TSHZ2: variants seen among roughly 807,000 people sequenced by gnomAD.
TSHZ2 encodes teashirt zinc finger homeobox 2, also known as teashirt homolog 2.
Under a neutral mutation model 74.4 loss-of-function variants are expected in TSHZ2, and 21 were observed. That is an observed-to-expected ratio of 0.28 (90% CI 0.20 to 0.41). TSHZ2 has a LOEUF of 0.41. TSHZ2 is among the 10% of genes least tolerant of loss of function. TSHZ2 has a pLI of 1.00. For missense variants in TSHZ2, 1,244 were observed against 1,293.5 expected, an observed-to-expected ratio of 0.96 and a Z score of 0.59; for synonymous variants, 540 against 515.3, an observed-to-expected ratio of 1.05 and a Z score of -0.65.
intron 1 of TSHZ2, among the ~76,000 whole-genome samples, chr20:52,973,734 C>T (rs972829495): frequency 3.2e-4 from 49 of 152,250 alleles, no homozygotes; most frequent in African/African-American, 1.1e-3. Context: ...CCAGGGATAG[C>T]GTCTCCTCTC....
chr20:53,061,188 A>C (rs1984810899), intron 1 of TSHZ2, among the ~76,000 whole-genome samples: 1 of 152,216 alleles, frequency 6.6e-6, no homozygotes, highest in African/African-American at 2.4e-5. Context: ...TTTGAACGCC[A>C]GAAATGACAA....
intron 1 of TSHZ2, among the ~76,000 whole-genome samples, chr20:53,095,170 G>C (rs531233591): frequency 1.3e-5 from 2 of 152,252 alleles, no homozygotes; most frequent in South Asian, 4.1e-4. Context: ...CAAAGGTTTG[G>C]TTTCTCTCTA....
chr20:53,028,827 G>C (rs1983539297), intron 1 of TSHZ2, among the ~76,000 whole-genome samples: 1 of 152,188 alleles, frequency 6.6e-6, no homozygotes, highest in South Asian at 2.1e-4. Flanking sequence ...CATTAACTCA[G>C]ATGTCTAAAG....
intron 2 of TSHZ2, among the ~76,000 whole-genome samples, chr20:53,361,467 A>C (rs1184554788): frequency 6.6e-6 from 1 of 152,242 alleles, no homozygotes; most frequent in East Asian, 1.9e-4. Flanking sequence ...CCACAAAATC[A>C]GAAGTACCTG....
At chr20:53,387,549 T>C (rs1214362603) in intron 2 of TSHZ2, among the ~76,000 whole-genome samples, 1 of 152,218 alleles carries the variant, frequency 6.6e-6, no homozygotes, top group Non-Finnish European at 1.5e-5. Flanking sequence ...AAATCAAGAC[T>C]GGGCTGGGGA....
chr20:53,349,336 A>T (rs1568880086), intron 2 of TSHZ2, among the ~76,000 whole-genome samples: 1 of 152,210 alleles, frequency 6.6e-6, no homozygotes, highest in Non-Finnish European at 1.5e-5. Flanking sequence ...TTCTTATAAG[A>T]TATGTGTCTG....
rs185426995 is a variant in TSHZ2 at position 53,251,964 on chromosome 20, G to A, written c.41-1535G>A. Among the ~76,000 whole-genome samples the A allele has an allele frequency of 1.0e-3, 157 of 152,308 alleles. 1 individual carries two copies. The highest frequency in any genetic ancestry group is 3.7e-3 in the African/African-American group (152 of 41,562). ...TGGGTGTCTGTCCTCACTCTGCAAC[G>A]CTAGCTGTGTGGCCTTGGGTGAATT... On this transcript the variant is annotated intron_variant, in intron 1 of 2. Transcript: ENST00000371497.
rs1033514866 is a variant in TSHZ2, at chr20:53,074,422, G to T, written c.40+101089G>T. ...CAATTGCTCACCAGGAAGTGGGCTG[G>T]CCAGAATACAAGTCAGAATGAGATG... On this transcript the variant is annotated intron_variant, in intron 1 of 2. Transcript: ENST00000371497. The surrounding 1 kb of genome is among the most constrained non-coding windows in gnomAD (Gnocchi z 5.9). 3.9e-5 allele frequency among the ~76,000 whole-genome samples: 6 copies of T among 152,128 alleles called. No homozygotes were observed. The highest frequency in any genetic ancestry group is 1.4e-4 in the African/African-American group (6 of 41,414).
chr20:53,294,871 G>A (rs1991345336), intron 2 of TSHZ2, among the ~76,000 whole-genome samples: 1 of 152,084 alleles, frequency 6.6e-6, no homozygotes, highest in African/African-American at 2.4e-5. Context: ...CATCTCAAAG[G>A]TGAAGGCAGC....
intron 2 of TSHZ2, among the ~76,000 whole-genome samples, chr20:53,337,780 A>G (rs759752008): frequency 2.6e-5 from 4 of 152,234 alleles, no homozygotes; most frequent in Non-Finnish European, 4.4e-5. Flanking sequence ...GAGTAGGGCT[A>G]TAAAATGCCT....
At chr20:53,286,028 T>C (rs1426649803) in intron 2 of TSHZ2, among the ~76,000 whole-genome samples, 1 of 152,182 alleles carries the variant, frequency 6.6e-6, no homozygotes, top group Admixed American at 6.5e-5. Flanking sequence ...ATTTTTATTA[T>C]GAAAAGTGAA....
At chr20:52,998,459 C>T (rs1982288182) in intron 1 of TSHZ2, among the ~76,000 whole-genome samples, 1 of 152,216 alleles carries the variant, frequency 6.6e-6, no homozygotes, top group African/African-American at 2.4e-5. Flanking sequence ...TGAGCCACTG[C>T]ACCTGGCCAA....
At chr20:53,061,977 C>A (rs1328307963) in intron 1 of TSHZ2, among the ~76,000 whole-genome samples, 1 of 152,072 alleles carries the variant, frequency 6.6e-6, no homozygotes, top group African/African-American at 2.4e-5. Context: ...ATAAGTAAGT[C>A]TGGGCTGAAG....
chr20:53,097,432 C>T (rs1247684391), intron 1 of TSHZ2, among the ~76,000 whole-genome samples: 1 of 152,138 alleles, frequency 6.6e-6, no homozygotes, highest in East Asian at 1.9e-4. Context: ...GGAAAGCATT[C>T]CCATCTCCTT....
At chr20:53,283,408 A>T (rs563155349) in intron 2 of TSHZ2, among the ~76,000 whole-genome samples, 2 of 152,198 alleles carry the variant, frequency 1.3e-5, no homozygotes, top group African/African-American at 4.8e-5. Flanking sequence ...CACACCAGAT[A>T]GGTCCCTGTC....
intron 1 of TSHZ2, among the ~76,000 whole-genome samples, chr20:53,131,840 A>C (rs1406288646): frequency 2.1e-5 from 3 of 142,098 alleles, no homozygotes; most frequent in Non-Finnish European, 4.6e-5. Context: ...CCCCCAAAAA[A>C]AAAAAGCCAC....
intron 1 of TSHZ2, among the ~76,000 whole-genome samples, chr20:53,113,323 GT>G (rs1219804756): frequency 2.0e-5 from 3 of 152,136 alleles, no homozygotes; most frequent in African/African-American, 4.8e-5. Context: ...TCTAGAATTT[GT>G]TTGTTTGTTC....
chr20:53,171,471 A>G (rs916243184), intron 1 of TSHZ2, among the ~76,000 whole-genome samples: 2 of 152,140 alleles, frequency 1.3e-5, no homozygotes, highest in Non-Finnish European at 2.9e-5. Flanking sequence ...AATTACATTC[A>G]TTTTCTAAAC....
chr20:53,327,255 G>T (rs1304976794), intron 2 of TSHZ2, among the ~76,000 whole-genome samples: 1 of 152,204 alleles, frequency 6.6e-6, no homozygotes, highest in African/African-American at 2.4e-5. Context: ...TCGTCATCTG[G>T]ACACTAGCTG....
Sources: gnomAD v4.1 joint callset for allele counts (sites outside exome capture counted in the v4.1 genomes callset) on GRCh38, gnomAD v4.1.1 for gene constraint, Gnocchi (gnomAD v3.1) non-coding constraint, MANE v1.5 for transcripts, NCBI Gene and HGNC (gene_info 2026-07-23, HGNC 2026-07-21) for gene names.